NT5C2: variants seen among roughly 807,000 people sequenced by gnomAD.
The protein encoded by NT5C2 is 5'-nucleotidase, cytosolic II.
Under a neutral mutation model 76.1 loss-of-function variants are expected in NT5C2, and 58 were observed. That is an observed-to-expected ratio of 0.76 (90% CI 0.62 to 0.95). The LOEUF is 0.95. NT5C2 is among the 40% of genes least tolerant of loss of function. NT5C2 has a pLI of 0.00. For missense variants in NT5C2, 478 were observed against 690.3 expected, an observed-to-expected ratio of 0.69 and a Z score of 3.45; for synonymous variants, 229 against 237.4, an observed-to-expected ratio of 0.96 and a Z score of 0.32.
At position 103,094,432 on chromosome 10, in the gene NT5C2, C is replaced by T; in HGVS notation, c.837G>A (p.Trp279Ter). Residue 279 changes from tryptophan to a stop codon, truncating the protein, a stop_gained, in exon 13 of 19, where the codon TGG becomes TGA. Coordinates refer to ENST00000404739, the MANE Select transcript of NT5C2 (RefSeq NM_001351169.2). LOFTEE classifies it high-confidence loss of function. ...GPKPGSSHRP[W>*]QSYFDLILVD... ...CCAAGATCAAGTCAAAGTAGGACTG[C>T]CATGGTCGATGGGAGCTCCCAGGCT... 6.2e-7 allele frequency: 1 copy of T among 1,613,130 alleles called. No homozygotes were observed. Among genetic ancestry groups the T allele is most frequent in the Middle Eastern group, 1.7e-4 (1 of 6,060 alleles).
rs555583523 is a variant in NT5C2, at chr10:103,094,239, C to T, written c.921+109G>A. The T allele has an allele frequency of 1.7e-4, 133 of 766,360 alleles. 1 individual carries two copies. The East Asian group carries it at 3.0e-3, about 17-fold the overall frequency. 47.5% of individuals were successfully genotyped at this position (766,360 alleles called of 1,614,324 possible). A position where few individuals can be genotyped will look rare whatever the true frequency, so the allele number is the denominator to read the frequency against. On this transcript the variant is annotated intron_variant, in intron 13 of 18. Coordinates refer to ENST00000404739, the MANE Select transcript of NT5C2 (RefSeq NM_001351169.2). ...AACTCTTAATTTCAAAAGAGAGATA[C>T]GGCTAATTAAAAAAAAAAAATTCCT...
intron 4 of NT5C2, among the ~76,000 whole-genome samples, chr10:103,109,917 C>A (rs570619492): frequency 1.6e-4 from 25 of 152,354 alleles, no homozygotes; most frequent in African/African-American, 6.0e-4. Flanking sequence ...AAACACTATA[C>A]TTGCCACATT....
At chr10:103,164,976 C>A (rs1052733607) in intron 3 of NT5C2, among the ~76,000 whole-genome samples, 1 of 152,182 alleles carries the variant, frequency 6.6e-6, no homozygotes, top group Admixed American at 6.5e-5. Flanking sequence ...TGAACAGTAA[C>A]ATTTAGAGAA....
intron 4 of NT5C2, among the ~76,000 whole-genome samples, chr10:103,121,348 C>A (rs2075624600): frequency 6.6e-6 from 1 of 152,098 alleles, no homozygotes; most frequent in South Asian, 2.1e-4. Context: ...TGACAATACA[C>A]CAATACTGCA....
chr10:103,158,017 G>A (rs2083828995), intron 3 of NT5C2, among the ~76,000 whole-genome samples: 1 of 151,674 alleles, frequency 6.6e-6, no homozygotes, highest in African/African-American at 2.4e-5. Flanking sequence ...AGGATGCAGT[G>A]AGCCAGGATC....
chr10:103,177,129 C>T (rs1222415385), intron 2 of NT5C2, among the ~76,000 whole-genome samples: 1 of 151,930 alleles, frequency 6.6e-6, no homozygotes, highest in African/African-American at 2.4e-5. Flanking sequence ...TCAATGGTGG[C>T]ACAAATACAA....
intron 3 of NT5C2, among the ~76,000 whole-genome samples, chr10:103,148,464 G>C (rs2081878866): frequency 6.6e-6 from 1 of 152,130 alleles, no homozygotes; most frequent in African/African-American, 2.4e-5. Flanking sequence ...AGCCGGGCAT[G>C]GTGGCAGGTG....
At chr10:103,149,860 T>TAA (rs199764394) in intron 3 of NT5C2, among the ~76,000 whole-genome samples, 7 of 126,636 alleles carry the variant, frequency 5.5e-5, no homozygotes, top group Admixed American at 2.4e-4. Context: ...CTCTAGTAAT[T>TAA]AAAAAAAAAA....
intron 4 of NT5C2, among the ~76,000 whole-genome samples, chr10:103,114,399 ACT>A (rs1373139684): frequency 5.3e-5 from 8 of 152,026 alleles, no homozygotes; most frequent in African/African-American, 1.7e-4. Flanking sequence ...ACAGAGCGAG[ACT>A]CTGTCTCAAA....
chr10:103,163,710 T>TAA (rs11440429), intron 3 of NT5C2, among the ~76,000 whole-genome samples: 344 of 143,356 alleles, frequency 2.4e-3, no homozygotes, highest in Non-Finnish European at 3.4e-3. Flanking sequence ...ACTAAAAACT[T>TAA]AAAAAAAAAA....
Position 103,090,710 on chromosome 10 carries a change from A to G in NT5C2, c.1350T>C (p.Phe450=). 1 of 1,614,214 alleles carries G rather than the reference A, an allele frequency of 6.2e-7. No individual in the cohort carries two copies. The highest frequency in any genetic ancestry group is 8.5e-7 in the Non-Finnish European group (1 of 1,180,022). ...LFRSGSRQTL[F]ASQVMRYADL... is the part of the protein sequence containing the mutation. ...CAGCATAACGCATCACTTGACTGGC[A>G]AAAAGGGTCTGCCGGGAGCCACTGC... Residue 450 remains phenylalanine, a synonymous_variant, in exon 18 of 19, where the codon TTT becomes TTC. Coordinates refer to ENST00000404739, the MANE Select transcript of NT5C2 (RefSeq NM_001351169.2).
chr10:103,093,747 A>T (rs542092289), intron 14 of NT5C2: 29 of 501,812 alleles, frequency 5.8e-5, no homozygotes, highest in Non-Finnish European at 7.8e-5. Context: ...ATAGGATTTA[A>T]AAAAAAAACT....
chr10:103,102,076 T>C (rs1308812906), intron 6 of NT5C2, among the ~76,000 whole-genome samples: 1 of 152,128 alleles, frequency 6.6e-6, no homozygotes, highest in Non-Finnish European at 1.5e-5. Flanking sequence ...ATTAAATTAG[T>C]GGCTGTTTTA....
At chr10:103,159,728 G>A (rs2084344443) in intron 3 of NT5C2, among the ~76,000 whole-genome samples, 1 of 150,504 alleles carries the variant, frequency 6.6e-6, no homozygotes, top group Non-Finnish European at 1.5e-5. Context: ...GTACAATGAA[G>A]ACTACAAAAT....
At chr10:103,107,695 G>A (rs2071692198) in intron 4 of NT5C2, among the ~76,000 whole-genome samples, 1 of 151,836 alleles carries the variant, frequency 6.6e-6, no homozygotes, top group Non-Finnish European at 1.5e-5. Context: ...ATGCAAATGT[G>A]TATATAAAAC....
At chr10:103,159,346 C>CA (rs1394116326) in intron 3 of NT5C2, among the ~76,000 whole-genome samples, 1 of 150,238 alleles carries the variant, frequency 6.7e-6, no homozygotes, top group African/African-American at 2.5e-5. Flanking sequence ...GATTAATATA[C>CA]AAAAAACCAG....
At chr10:103,113,992 A>G (rs972127775) in intron 4 of NT5C2, among the ~76,000 whole-genome samples, 1 of 152,256 alleles carries the variant, frequency 6.6e-6, no homozygotes, top group Non-Finnish European at 1.5e-5. Flanking sequence ...GAGGGTGCAC[A>G]TCTTGTCTAG....
chr10:103,107,501 C>T (rs1268294956), intron 4 of NT5C2, among the ~76,000 whole-genome samples: 1 of 151,256 alleles, frequency 6.6e-6, no homozygotes, highest in South Asian at 2.1e-4. Flanking sequence ...ATGGTGAAAC[C>T]CCCGTCTCTA....
chr10:103,161,090 T>C (rs374575440), intron 3 of NT5C2, among the ~76,000 whole-genome samples: 2 of 152,314 alleles, frequency 1.3e-5, no homozygotes. Context: ...AAATGATGCA[T>C]CTGCACTGGA....
Sources: allele counts gnomAD v4.1 joint callset (sites outside exome capture counted in the v4.1 genomes callset), GRCh38; gene constraint gnomAD v4.1.1; transcripts MANE v1.5; gene names NCBI Gene and HGNC (gene_info 2026-07-23, HGNC 2026-07-21).